Variants in PRDM6 observed in about 807,000 individuals in gnomAD.
The protein encoded by PRDM6 is PR/SET domain 6.
A neutral mutation model predicts 60.8 loss-of-function variants in PRDM6; 25 were observed. That is an observed-to-expected ratio of 0.41 (90% CI 0.30 to 0.57). The LOEUF (loss-of-function observed/expected upper bound fraction) is 0.57. PRDM6 is among the 20% of genes least tolerant of loss of function. The pLI is 0.27. For synonymous variants in PRDM6, 407 were observed against 357.4 expected, an observed-to-expected ratio of 1.14 and a Z score of -1.57; for missense variants, 839 against 821.3, an observed-to-expected ratio of 1.02 and a Z score of -0.26.
intron 3 of PRDM6, among the ~76,000 whole-genome samples, chr5:123,130,439 A>C (rs558502464): frequency 7.9e-4 from 119 of 150,858 alleles, no homozygotes; most frequent in African/African-American, 2.9e-3. Flanking sequence ...AGAATTAAGA[A>C]ATTTTCAAGC....
intron 7 of PRDM6, among the ~76,000 whole-genome samples, chr5:123,185,276 A>C (rs544755050): frequency 6.6e-6 from 1 of 152,182 alleles, no homozygotes; most frequent in South Asian, 2.1e-4. Context: ...TGTTCAAGCT[A>C]TTCTACTCTC....
intron 7 of PRDM6, among the ~76,000 whole-genome samples, chr5:123,183,647 A>G (rs1766216121): frequency 6.6e-6 from 1 of 152,224 alleles, no homozygotes; most frequent in Admixed American, 6.5e-5. Flanking sequence ...TTGGCTTTCA[A>G]TTTGCTCTAT....
chr5:123,104,574 G>A (rs1478384889), intron 3 of PRDM6, among the ~76,000 whole-genome samples: 1 of 151,986 alleles, frequency 6.6e-6, no homozygotes, highest in African/African-American at 2.4e-5. Flanking sequence ...ATGTTTTTCA[G>A]CAATTTATCA....
chr5:123,113,426 C>A (rs1051332915), intron 3 of PRDM6, among the ~76,000 whole-genome samples: 1 of 152,180 alleles, frequency 6.6e-6, no homozygotes, highest in African/African-American at 2.4e-5. Context: ...AAGAGCTTTG[C>A]AGGGGTTATT....
rs562857053 is a variant in PRDM6 at position 123,188,227 on chromosome 5, C to G, written c.*1026C>G. The G allele has an allele frequency of 6.6e-6, 1 of 152,122 alleles. No homozygotes were observed. The highest frequency in any genetic ancestry group is 1.5e-5 in the Non-Finnish European group (1 of 68,040). 9.4% of individuals were successfully genotyped at this position (152,122 alleles called of 1,614,324 possible). ...TCCTCTCTCCTGAGTGTGGGAGGAG[C>G]ATGTCTACAAACACAAGTGAAAATA... On this transcript the variant is annotated 3_prime_UTR_variant, in exon 8 of 8. Transcript: ENST00000407847.
intron 7 of PRDM6, among the ~76,000 whole-genome samples, chr5:123,180,700 A>G (rs976295025): frequency 6.6e-6 from 1 of 152,214 alleles, no homozygotes; most frequent in Non-Finnish European, 1.5e-5. Flanking sequence ...AAGCCTTACG[A>G]TCATCAGAAA....
At chr5:123,115,618 G>A (rs995704999) in intron 3 of PRDM6, among the ~76,000 whole-genome samples, 1 of 152,188 alleles carries the variant, frequency 6.6e-6, no homozygotes, top group African/African-American at 2.4e-5. Flanking sequence ...CAAATTTGGT[G>A]TAATTCTTAT....
Position 123,190,184 on chromosome 5 carries a change from A to G in PRDM6, c.*2983A>G, listed in dbSNP as rs563759854. 3.9e-5 allele frequency: 6 copies of G among 152,324 alleles called. No individual in the cohort carries two copies. The East Asian group carries it at 7.7e-4, about 20-fold the overall frequency. The allele number at this position is 152,324 out of a possible 1,614,324, so 9.4% of individuals were successfully genotyped here. ...TTTACTCTTTTCTTTCAATGGGGATAAAATAATAATAATTTTTTCAGAATA... is the reference window on the plus strand; with the variant it reads ...TTTACTCTTTTCTTTCAATGGGGATGAAATAATAATAATTTTTTCAGAATA... On this transcript the variant is annotated 3_prime_UTR_variant, in exon 8 of 8. Coordinates refer to ENST00000407847, the MANE Select transcript of PRDM6 (RefSeq NM_001136239.4).
chr5:123,156,829 G>A (rs189189), intron 4 of PRDM6, among the ~76,000 whole-genome samples: 11,335 of 152,196 alleles, frequency 0.074, 447 homozygotes, highest in African/African-American at 0.092. Context: ...GAGTGGAGAT[G>A]AGAGGGCAAA....
chr5:123,102,513 G>A (rs1561806512), intron 3 of PRDM6, among the ~76,000 whole-genome samples: 2 of 151,932 alleles, frequency 1.3e-5, no homozygotes, highest in African/African-American at 2.4e-5. Flanking sequence ...ATACATTGTA[G>A]GTCTATCGGA....
chr5:123,122,675 A>G lies in PRDM6; in HGVS notation c.900+22714A>G, dbSNP rs1764607311. ...ATAATTGCTACAGAAAACTGGGAAG[A>G]GGTTAAGCAGTAAGAAGAAAATAAA... On this transcript the variant is annotated intron_variant, in intron 3 of 7. Coordinates refer to ENST00000407847, the MANE Select transcript of PRDM6 (RefSeq NM_001136239.4). 2.0e-5 allele frequency among the ~76,000 whole-genome samples: 3 copies of G among 152,206 alleles called. No homozygotes were observed. In the South Asian group the frequency reaches 6.2e-4, roughly 32 times the overall value.
In PRDM6 at chr5:123,156,246, T is replaced by G. The variant is rs763854279; in HGVS notation, c.1028+235T>G. On this transcript the variant is annotated intron_variant, in intron 4 of 7. Transcript: ENST00000407847. ...GATGGCCTCCTTCACTCCGTGCACA[T>G]GGTGAAGTTACTCCCACATCATTAG... Among the ~76,000 whole-genome samples the G allele has an allele frequency of 4.2e-4, 64 of 152,106 alleles. 1 individual carries two copies. Among genetic ancestry groups the G allele is most frequent in the Non-Finnish European group, 6.0e-4 (41 of 68,026 alleles).
intron 3 of PRDM6, among the ~76,000 whole-genome samples, chr5:123,105,305 C>T (rs1251886586): frequency 6.6e-6 from 1 of 152,108 alleles, no homozygotes; most frequent in African/African-American, 2.4e-5. Context: ...ATCAGTATCT[C>T]AGAGGTTAGT....
intron 5 of PRDM6, 21 bp downstream of exon 5, chr5:123,159,659 T>C: frequency 6.5e-7 from 1 of 1,549,316 alleles, no homozygotes; most frequent in Non-Finnish European, 8.7e-7. Flanking sequence ...ATTTTAGCTC[T>C]GAATTCACAT....
intron 3 of PRDM6, among the ~76,000 whole-genome samples, chr5:123,133,069 T>C (rs1271964567): frequency 1.3e-5 from 2 of 152,094 alleles, no homozygotes; most frequent in Non-Finnish European, 2.9e-5. Context: ...CACCTTGATA[T>C]TGATAACACA....
intron 3 of PRDM6, among the ~76,000 whole-genome samples, chr5:123,114,616 T>G (rs1764392341): frequency 1.3e-5 from 2 of 151,544 alleles, no homozygotes; most frequent in African/African-American, 2.4e-5. Flanking sequence ...TGACTGGAGG[T>G]CCTTCATTTT....
intron 5 of PRDM6, among the ~76,000 whole-genome samples, chr5:123,160,883 C>A (rs1403077327): frequency 3.3e-5 from 5 of 152,198 alleles, no homozygotes. Flanking sequence ...AGGAGAAAAT[C>A]TCAGTGTTGG....
intron 3 of PRDM6, among the ~76,000 whole-genome samples, chr5:123,128,583 G>A (rs1764746713): frequency 6.6e-6 from 1 of 152,134 alleles, no homozygotes; most frequent in Non-Finnish European, 1.5e-5. Flanking sequence ...AGAAGTGTCT[G>A]TTCATATCCT....
intron 4 of PRDM6, among the ~76,000 whole-genome samples, chr5:123,157,097 T>C (rs1482009931): frequency 6.6e-6 from 1 of 152,064 alleles, no homozygotes; most frequent in Non-Finnish European, 1.5e-5. Flanking sequence ...TTAAGTTTTT[T>C]CTTTTTAACT....
Sources: allele counts gnomAD v4.1 joint callset (sites outside exome capture counted in the v4.1 genomes callset), GRCh38; gene constraint gnomAD v4.1.1; transcripts MANE v1.5; gene names NCBI Gene and HGNC (gene_info 2026-07-23, HGNC 2026-07-21).